The following FRMD4A variants were observed in gnomAD, a reference collection of about 807,000 sequenced individuals.
The protein encoded by FRMD4A is FERM domain-containing protein 4A.
FRMD4A carries 29 observed loss-of-function variants against 129.1 expected under a neutral mutation model. The ratio of observed to expected loss-of-function variants is 0.22; its 90% CI spans 0.17 to 0.31. FRMD4A has a LOEUF of 0.31. Ranked by LOEUF, FRMD4A falls within the 10% of genes least tolerant of loss-of-function variation. The probability of loss-of-function intolerance (pLI) is 1.00; values close to 1 mark genes in which losing one functional copy is unlikely to be tolerated. For synonymous variants in FRMD4A, 634 were observed against 571.6 expected (o/e 1.11, Z -1.56); for missense variants, 1,272 against 1,375.8 (o/e 0.92, Z 1.19).
At chr10:14,299,878 TG>T (rs1396885183) in intron 2 of FRMD4A, among the ~76,000 whole-genome samples, 1 of 151,814 alleles carries the variant, frequency 6.6e-6, no homozygotes, top group East Asian at 1.9e-4. Flanking sequence ...CGTCTGGGAG[TG>T]GGGAGGGGCT....
At chr10:14,195,193 T>A (rs1195899971) in intron 2 of FRMD4A, among the ~76,000 whole-genome samples, 2 of 152,190 alleles carry the variant, frequency 1.3e-5, no homozygotes, top group Non-Finnish European at 2.9e-5. Context: ...AGGCTAGATG[T>A]CCTAATTCTT....
intron 2 of FRMD4A, chr10:14,003,635 G>A (rs1294453105): frequency 6.7e-6 from 1 of 149,942 alleles, no homozygotes; most frequent in African/African-American, 2.5e-5. Context: ...AGGGTGTGAA[G>A]AAATATACAT....
chr10:14,147,640 T>C (rs551788149), intron 2 of FRMD4A, among the ~76,000 whole-genome samples: 3 of 152,124 alleles, frequency 2.0e-5, no homozygotes, highest in Non-Finnish European at 4.4e-5. Flanking sequence ...ATCCCTGGCA[T>C]GTGCAGTTCA....
At chr10:14,056,937 CAAGT>C (rs928986402) in intron 2 of FRMD4A, among the ~76,000 whole-genome samples, 4 of 152,184 alleles carry the variant, frequency 2.6e-5, no homozygotes, top group African/African-American at 7.2e-5. Flanking sequence ...CCCCAATTAA[CAAGT>C]GAGTCTTTTG....
At chr10:14,067,798 C>T (rs1380240858) in intron 2 of FRMD4A, among the ~76,000 whole-genome samples, 1 of 152,188 alleles carries the variant, frequency 6.6e-6, no homozygotes, top group Non-Finnish European at 1.5e-5. Flanking sequence ...GCCTGGGTAA[C>T]AGAGCGAGAC....
At chr10:14,087,294 C>A (rs1836343524) in intron 2 of FRMD4A, among the ~76,000 whole-genome samples, 1 of 144,518 alleles carries the variant, frequency 6.9e-6, no homozygotes, top group Non-Finnish European at 1.5e-5. Flanking sequence ...TGTTATATAT[C>A]TATAAAATTA....
At chr10:14,161,447 A>G (rs915874582) in intron 2 of FRMD4A, among the ~76,000 whole-genome samples, 2 of 152,250 alleles carry the variant, frequency 1.3e-5, no homozygotes, top group Non-Finnish European at 2.9e-5. Flanking sequence ...GAATATATAA[A>G]GAAAATGTGA....
chr10:13,868,775 G>A (rs1826621585), intron 2 of FRMD4A, among the ~76,000 whole-genome samples: 1 of 152,050 alleles, frequency 6.6e-6, no homozygotes, highest in Non-Finnish European at 1.5e-5. Flanking sequence ...CTCCCGCCTG[G>A]GCAACCGAGT....
intron 2 of FRMD4A, among the ~76,000 whole-genome samples, chr10:14,145,137 C>T (rs1279033343): frequency 6.6e-6 from 1 of 152,142 alleles, no homozygotes; most frequent in Non-Finnish European, 1.5e-5. Flanking sequence ...CAGGTGAGGA[C>T]ACATGCGGAG....
intron 2 of FRMD4A, among the ~76,000 whole-genome samples, chr10:14,021,574 C>T (rs1832753216): frequency 1.3e-5 from 2 of 151,540 alleles, no homozygotes; most frequent in African/African-American, 2.4e-5. Flanking sequence ...TACATAAATA[C>T]AATAAAATAA....
chr10:14,187,815 T>C (rs1842195765), intron 2 of FRMD4A, among the ~76,000 whole-genome samples: 17 of 152,276 alleles, frequency 1.1e-4, no homozygotes, highest in Non-Finnish European at 1.6e-4. Flanking sequence ...AAATTTGGTT[T>C]TCTTTGATTC....
At position 14,220,559 on chromosome 10, in the gene FRMD4A, A is replaced by G. The variant is rs1843215630; in HGVS notation, c.45+109499T>C. ...TGGGTTCTCCTACATGAAATTCTTC[A>G]CATTGCCATACTGTCTGAAATCCCA... On this transcript the variant is annotated intron_variant, in intron 2 of 24. Transcript: ENST00000357447. Among the ~76,000 whole-genome samples the G allele has an allele frequency of 2.0e-5, 3 of 152,200 alleles. No homozygotes were observed. The South Asian group carries it at 6.2e-4, about 32-fold the overall frequency.
chr10:13,726,131 C>T (rs1367471106), intron 12 of FRMD4A, among the ~76,000 whole-genome samples: 1 of 152,056 alleles, frequency 6.6e-6, no homozygotes, highest in Non-Finnish European at 1.5e-5. Context: ...AAAAATTAGC[C>T]GAGTGTGTTG....
chr10:14,311,459 A>T (rs539828397), intron 2 of FRMD4A, among the ~76,000 whole-genome samples: 34 of 152,230 alleles, frequency 2.2e-4, no homozygotes, highest in Admixed American at 1.4e-3. Context: ...CATGCACTAC[A>T]CATCCTCTCT....
At chr10:13,828,181 G>A (rs4750423) in intron 3 of FRMD4A, among the ~76,000 whole-genome samples, 118,446 of 152,114 alleles carry the variant, frequency 0.78, 46,242 homozygotes, top group East Asian at 0.9. Flanking sequence ...TCTTATTTCT[G>A]TACATTGAAG....
Position 14,022,837 on chromosome 10 carries a change from T to G in FRMD4A, c.46-163925A>C, listed in dbSNP as rs147202846. On this transcript the variant is annotated intron_variant, in intron 2 of 24. Coordinates refer to ENST00000357447, the MANE Select transcript of FRMD4A (RefSeq NM_018027.5). ...GGAAAGGAGACGAAGGTGGTAGAAG[T>G]GTTAGGAGAGGAGCCTGCGGGTAGG... Among the ~76,000 whole-genome samples, 202 of 152,156 alleles carry G rather than the reference T, an allele frequency of 1.3e-3. No homozygotes were observed. The Middle Eastern group carries it at 0.027, about 20-fold the overall frequency.
intron 2 of FRMD4A, among the ~76,000 whole-genome samples, chr10:13,953,339 G>C (rs1461260251): frequency 3.3e-5 from 5 of 152,168 alleles, no homozygotes; most frequent in Non-Finnish European, 7.4e-5. Context: ...CCCCAAGAAA[G>C]TGATAACTAC....
chr10:14,056,054 T>G (rs930739698), intron 2 of FRMD4A, among the ~76,000 whole-genome samples: 1 of 152,196 alleles, frequency 6.6e-6, no homozygotes, highest in East Asian at 1.9e-4. Flanking sequence ...TTTTTAGAGA[T>G]GTAGTCTCAC....
At chr10:13,772,078 C>T (rs2092470663) in intron 6 of FRMD4A, among the ~76,000 whole-genome samples, 1 of 149,354 alleles carries the variant, frequency 6.7e-6, no homozygotes, top group Admixed American at 6.7e-5. Context: ...GATCACGTCA[C>T]CGCACTCCAG....
Sources: allele counts gnomAD v4.1 joint callset (sites outside exome capture counted in the v4.1 genomes callset), GRCh38; gene constraint gnomAD v4.1.1; transcripts MANE v1.5; gene names NCBI Gene and HGNC (gene_info 2026-07-23, HGNC 2026-07-21).